Variants in GIT2 observed in about 807,000 individuals in gnomAD.
The protein encoded by GIT2 is ARF GTPase-activating protein GIT2.
Under a neutral mutation model 100.3 loss-of-function variants are expected in GIT2, and 32 were observed. That is an observed-to-expected ratio of 0.32 (90% CI 0.24 to 0.43). The LOEUF (loss-of-function observed/expected upper bound fraction) is 0.43, where lower values mean the gene tolerates loss of function less well. Ranked by LOEUF, GIT2 falls within the 20% of genes least tolerant of loss-of-function variation. The pLI is 1.00. For synonymous variants in GIT2, 353 were observed against 364.1 expected (o/e 0.97, Z 0.35); for missense variants, 737 against 975.1 (o/e 0.76, Z 3.25).
intron 8 of GIT2, among the ~76,000 whole-genome samples, chr12:109,966,258 T>C (rs1401359424): frequency 8.6e-6 from 1 of 115,744 alleles, no homozygotes; most frequent in African/African-American, 3.3e-5. Flanking sequence ...CCTCTCAAAG[T>C]GCTGGGATTA....
At chr12:109,964,458 T>C (rs1230218367) in intron 9 of GIT2, among the ~76,000 whole-genome samples, 3 of 152,114 alleles carry the variant, frequency 2.0e-5, no homozygotes, top group Non-Finnish European at 4.4e-5. Flanking sequence ...AGCTGCAATG[T>C]CAGAGTCAGG....
intron 7 of GIT2, among the ~76,000 whole-genome samples, chr12:109,967,746 C>T (rs560541925): frequency 3.4e-4 from 52 of 152,296 alleles, no homozygotes; most frequent in African/African-American, 1.2e-3. Context: ...ACCCCAATCA[C>T]GACGATTAGT....
At chr12:109,941,024 C>G (rs535380206) in intron 16 of GIT2, among the ~76,000 whole-genome samples, 83 of 152,272 alleles carry the variant, frequency 5.5e-4, no homozygotes, top group African/African-American at 1.8e-3. Flanking sequence ...GAGAAGCCCC[C>G]CTTATTCACA....
rs566356224 is a variant in GIT2, at chr12:109,934,947, G to A, written c.2004-862C>T. On this transcript the variant is annotated intron_variant, in intron 18 of 19. Coordinates refer to ENST00000355312, the MANE Select transcript of GIT2 (RefSeq NM_057169.5). The surrounding 1 kb of genome is among the most constrained non-coding windows in gnomAD (Gnocchi z 4.5). ...AAAAAAATTAGCTGGGCATTGTGGCGCATGCCTGTAATCCCAGCTACTCAG... is the reference window on the plus strand; with the variant it reads ...AAAAAAATTAGCTGGGCATTGTGGCACATGCCTGTAATCCCAGCTACTCAG... 6.6e-6 allele frequency among the ~76,000 whole-genome samples: 1 copy of A among 152,078 alleles called. No homozygotes were observed. Among genetic ancestry groups the A allele is most frequent in the African/African-American group, 2.4e-5 (1 of 41,504 alleles).
At position 109,930,171 on chromosome 12, in the gene GIT2, G is replaced by GT. The variant is rs576119154; in HGVS notation, c.*2806dup. ...TAGAATTCTGATTACATGAAATGCT[G>GT]TGTTTGATCTTTGGGCCCAATTCAC... On this transcript the variant is annotated 3_prime_UTR_variant, in exon 20 of 20. Transcript: ENST00000355312. 2.6e-5 allele frequency: 4 copies of GT among 152,752 alleles called. No individual in the cohort carries two copies. In the East Asian group the frequency reaches 7.7e-4, roughly 29 times the overall value. 9.5% of individuals were successfully genotyped at this position (152,752 alleles called of 1,614,324 possible). A position where few individuals can be genotyped will look rare whatever the true frequency, so the allele number is the denominator to read the frequency against.
chr12:109,979,517 C>A lies in GIT2; in HGVS notation c.718+1435G>T, dbSNP rs545759345. Among the ~76,000 whole-genome samples the A allele has an allele frequency of 3.9e-5, 6 of 152,202 alleles. No homozygotes were observed. In the South Asian group the frequency reaches 1.2e-3, roughly 32 times the overall value. ...CTGGATCTCCTGACCTCATGATCCG[C>A]CCACCTCAGCCTCCCAAAGTGCTGG... is the stretch of plus-strand genomic sequence containing the variant. On this transcript the variant is annotated intron_variant, in intron 7 of 19. Transcript: ENST00000355312.
chr12:109,967,337 T>G, intron 8 of GIT2, 121 bp downstream of exon 8: 1 of 1,597,606 alleles, frequency 6.3e-7, no homozygotes, highest in Non-Finnish European at 8.5e-7. Flanking sequence ...CCAAATGGTA[T>G]AGCCATAAAA....
At chr12:109,976,226 T>G (rs982188494) in intron 7 of GIT2, among the ~76,000 whole-genome samples, 3 of 152,070 alleles carry the variant, frequency 2.0e-5, no homozygotes, top group African/African-American at 7.2e-5. Context: ...CTATCCCCTT[T>G]TATATTATAG....
At chr12:109,966,221 C>A (rs564207698) in intron 8 of GIT2, among the ~76,000 whole-genome samples, 10 of 148,968 alleles carry the variant, frequency 6.7e-5, no homozygotes, top group South Asian at 4.5e-4. Flanking sequence ...GTCTCGAACT[C>A]CTGACCTCGT....
chr12:109,948,540 C>G lies in GIT2; in HGVS notation c.1393-1036G>C, dbSNP rs1049486531. Reference sequence around the variant, plus strand: ...GCATTTTAAACACCATTCACCACGTCCATTCTGCGCAGGGTCCTTCCCTTC... The same window carrying G: ...GCATTTTAAACACCATTCACCACGTGCATTCTGCGCAGGGTCCTTCCCTTC... On this transcript the variant is annotated intron_variant, in intron 14 of 19. Coordinates refer to ENST00000355312, the MANE Select transcript of GIT2 (RefSeq NM_057169.5). This position sits in a 1 kb window ranked among gnomAD's most constrained non-coding sequence, Gnocchi z 4.3. 1 of 1,318,004 alleles carries G rather than the reference C, an allele frequency of 7.6e-7. No individual in the cohort carries two copies. The highest frequency in any genetic ancestry group is 9.6e-7 in the Non-Finnish European group (1 of 1,037,656). 81.6% of individuals were successfully genotyped at this position (1,318,004 alleles called of 1,614,324 possible).
At chr12:109,937,450 G>C (rs1481071220) in intron 18 of GIT2, among the ~76,000 whole-genome samples, 1 of 152,174 alleles carries the variant, frequency 6.6e-6, no homozygotes, top group African/African-American at 2.4e-5. Flanking sequence ...TCTTGGGTTT[G>C]ACTGAACTCT....
At chr12:109,985,248 A>T (rs1322875385) in intron 4 of GIT2, among the ~76,000 whole-genome samples, 1 of 152,160 alleles carries the variant, frequency 6.6e-6, no homozygotes, top group Non-Finnish European at 1.5e-5. Context: ...TATTACAGGG[A>T]TGTGCCACTG....
chr12:109,980,852 T>C, intron 7 of GIT2, 100 bp downstream of exon 7: 1 of 753,806 alleles, frequency 1.3e-6, no homozygotes, highest in South Asian at 1.4e-5. Flanking sequence ...TTCTCAGTGA[T>C]ATGTTACAGC....
At chr12:109,938,818 G>A (rs898229118) in intron 17 of GIT2, 3 of 517,270 alleles carry the variant, frequency 5.8e-6, no homozygotes, top group African/African-American at 5.8e-5. Context: ...CCTGGAGCGG[G>A]GAGGGTGTTT....
At chr12:109,942,755 T>C (rs1283874639) in intron 16 of GIT2, 1 of 152,258 alleles carries the variant, frequency 6.6e-6, no homozygotes, top group Non-Finnish European at 1.5e-5. Flanking sequence ...TAGTGACTCA[T>C]ATACCTAATA....
intron 1 of GIT2, among the ~76,000 whole-genome samples, chr12:109,994,096 A>G (rs1462311430): frequency 6.6e-6 from 1 of 151,450 alleles, no homozygotes; most frequent in Non-Finnish European, 1.5e-5. Flanking sequence ...AAAAAAAAAA[A>G]AGACTGTTTT....
intron 8 of GIT2, among the ~76,000 whole-genome samples, chr12:109,966,307 A>G (rs1284190217): frequency 6.8e-6 from 1 of 147,040 alleles, no homozygotes; most frequent in Admixed American, 6.8e-5. Flanking sequence ...CAGGGGTTTG[A>G]GACCAGCCTG....
chr12:109,972,119 G>T (rs995333237), intron 7 of GIT2, among the ~76,000 whole-genome samples: 1 of 151,978 alleles, frequency 6.6e-6, no homozygotes, highest in Non-Finnish European at 1.5e-5. Flanking sequence ...TTTCTACATA[G>T]AAATCATCTC....
chr12:109,960,072 T>G (rs1052548793), intron 11 of GIT2, 114 bp from the exon 12 acceptor site: 1 of 713,986 alleles, frequency 1.4e-6, no homozygotes, highest in Non-Finnish European at 2.4e-6. Context: ...TCTTCTGGCA[T>G]GATCAAAGTA....
Sources: allele counts gnomAD v4.1 joint callset (sites outside exome capture counted in the v4.1 genomes callset), GRCh38; gene constraint gnomAD v4.1.1; non-coding constraint Gnocchi (gnomAD v3.1); transcripts MANE v1.5; gene names NCBI Gene and HGNC (gene_info 2026-07-23, HGNC 2026-07-21).